ANO3: variants seen among roughly 807,000 people sequenced by gnomAD.
The protein encoded by ANO3 is anoctamin-3.
ANO3 carries 99 observed loss-of-function variants against 144.8 expected under a neutral mutation model. The observed-to-expected ratio is 0.68, with a 90% CI of 0.58 to 0.81. The LOEUF (loss-of-function observed/expected upper bound fraction) is 0.81. Ranked by LOEUF, ANO3 falls within the 30% of genes least tolerant of loss-of-function variation. ANO3 has a pLI of 0.00. For synonymous variants in ANO3, 414 were observed against 392.6 expected, an observed-to-expected ratio of 1.05 and a Z score of -0.64; for missense variants, 905 against 1,202.2, an observed-to-expected ratio of 0.75 and a Z score of 3.66.
chr11:26,330,448 A>G (rs1293506720), upstream of ANO3, among the ~76,000 whole-genome samples: 1 of 152,126 alleles, frequency 6.6e-6, no homozygotes, highest in Non-Finnish European at 1.5e-5. Context: ...TATTTCTTCA[A>G]TGCCTGCATA....
In ANO3 at chr11:26,544,267, TATATATAC is replaced by T. The variant is rs1350574988; in HGVS notation, c.1154+2201_1154+2208del. Reference sequence around the variant, plus strand: ...TTCATTATACATATATATATATATATATATATACACACATACACACACACACACACATA... The same window carrying T: ...TTCATTATACATATATATATATATATACACATACACACACACACACACATA... On this transcript the variant is annotated intron_variant, in intron 11 of 26. Transcript: ENST00000256737. Among the ~76,000 whole-genome samples, 184 of 75,382 alleles carry T rather than the reference TATATATAC, an allele frequency of 2.4e-3. 3 individuals are homozygous for T. The highest frequency in any genetic ancestry group is 8.0e-3 in the African/African-American group (178 of 22,224). 49.5% of individuals were successfully genotyped at this position (75,382 alleles called of 152,430 possible). A position where few individuals can be genotyped will look rare whatever the true frequency, so the allele number is the denominator to read the frequency against.
chr11:26,294,599 T>C (rs562192405), intron 1 of ANO3, among the ~76,000 whole-genome samples: 28 of 152,300 alleles, frequency 1.8e-4, no homozygotes, highest in African/African-American at 6.7e-4. Flanking sequence ...AAGCAACTTC[T>C]GCAGGGTCAT....
intron 1 of ANO3, among the ~76,000 whole-genome samples, chr11:26,382,666 T>C (rs1856621004): frequency 6.6e-6 from 1 of 152,168 alleles, no homozygotes; most frequent in South Asian, 2.1e-4. Context: ...CTTCTGTCTG[T>C]TCGCAAGCTT....
chr11:26,403,813 C>T (rs1857209673), intron 1 of ANO3, among the ~76,000 whole-genome samples: 1 of 151,830 alleles, frequency 6.6e-6, no homozygotes, highest in South Asian at 2.1e-4. Context: ...CCTCCTTATT[C>T]CTCCTTGAAC....
intron 1 of ANO3, among the ~76,000 whole-genome samples, chr11:26,356,211 A>G (rs1263766826): frequency 8.5e-5 from 13 of 152,104 alleles, no homozygotes; most frequent in Admixed American, 7.9e-4. Flanking sequence ...TCTATATACA[A>G]CCTCCTAGAT....
intron 1 of ANO3, among the ~76,000 whole-genome samples, chr11:26,371,856 C>G (rs1268646427): frequency 6.6e-6 from 1 of 152,170 alleles, no homozygotes; most frequent in African/African-American, 2.4e-5. Flanking sequence ...TAGGCAGGAA[C>G]TAATGTGTTA....
upstream of ANO3, chr11:26,332,117 G>C: frequency 6.7e-7 from 1 of 1,486,780 alleles, no homozygotes; most frequent in South Asian, 1.3e-5. Context: ...CGACACCGGC[G>C]GGCGCGTAGC....
chr11:26,305,522 G>C (rs1209854543), upstream of ANO3, among the ~76,000 whole-genome samples: 1 of 151,266 alleles, frequency 6.6e-6, no homozygotes, highest in Non-Finnish European at 1.5e-5. Flanking sequence ...TGATAAAAGA[G>C]GGTTTTCAGA....
Position 26,507,370 on chromosome 11 carries a change from A to G in ANO3, c.433-734A>G, listed in dbSNP as rs185412146. 1.9e-4 allele frequency among the ~76,000 whole-genome samples: 29 copies of G among 152,340 alleles called. No homozygotes were observed. The East Asian group carries it at 5.6e-3, about 29-fold the overall frequency. ...TTTGGTTGAAAATTGGGCAGAGACC[A>G]TTAAAAATAGCTTAGGTTGGTGGAT... On this transcript the variant is annotated intron_variant, in intron 4 of 26. Coordinates refer to ENST00000256737, the MANE Select transcript of ANO3 (RefSeq NM_031418.4).
At chr11:26,524,220 G>T (rs934671300) in intron 6 of ANO3, among the ~76,000 whole-genome samples, 2 of 152,068 alleles carry the variant, frequency 1.3e-5, no homozygotes, top group African/African-American at 4.8e-5. Context: ...AGTGAAGTAC[G>T]CACACAAGCT....
chr11:26,389,217 CA>C, intron 1 of ANO3, among the ~76,000 whole-genome samples: 1 of 152,078 alleles, frequency 6.6e-6, no homozygotes, highest in Middle Eastern at 3.4e-3. Flanking sequence ...AATGTGGAAA[CA>C]AAACAGTATA....
intron 14 of ANO3, chr11:26,567,007 CTT>C: frequency 7.1e-7 from 1 of 1,412,862 alleles, no homozygotes; most frequent in Non-Finnish European, 9.4e-7. Flanking sequence ...TCTATAGTGT[CTT>C]TTTGGTTACA....
intron 1 of ANO3, among the ~76,000 whole-genome samples, chr11:26,272,711 TGAG>T (rs1235461749): frequency 6.6e-6 from 1 of 152,054 alleles, no homozygotes; most frequent in Non-Finnish European, 1.5e-5. Flanking sequence ...AGAAAATAAT[TGAG>T]GAGAAAGGAT....
intron 14 of ANO3, among the ~76,000 whole-genome samples, chr11:26,589,839 T>A (rs999736344): frequency 3.9e-5 from 6 of 152,228 alleles, no homozygotes; most frequent in Non-Finnish European, 8.8e-5. Flanking sequence ...CTTCATTTCT[T>A]TCTATTGCTG....
chr11:26,487,906 G>A (rs1034888147), intron 4 of ANO3, among the ~76,000 whole-genome samples: 3 of 152,208 alleles, frequency 2.0e-5, no homozygotes, highest in African/African-American at 4.8e-5. Flanking sequence ...AGTAGCTCAC[G>A]CCTGTAATCC....
At chr11:26,331,226 G>A (rs1434749913), upstream of ANO3, among the ~76,000 whole-genome samples, 1 of 152,098 alleles carries the variant, frequency 6.6e-6, no homozygotes, top group Non-Finnish European at 1.5e-5. Context: ...ATGGCTGCTG[G>A]GCTCAATACC....
At chr11:26,270,789 T>C (rs2133835889) in intron 1 of ANO3, among the ~76,000 whole-genome samples, 1 of 152,322 alleles carries the variant, frequency 6.6e-6, no homozygotes, top group South Asian at 2.1e-4. Flanking sequence ...CTGAATATTC[T>C]CCTTGACATA....
At chr11:26,366,247 T>C (rs1206532049) in intron 1 of ANO3, among the ~76,000 whole-genome samples, 1 of 152,098 alleles carries the variant, frequency 6.6e-6, no homozygotes, top group Non-Finnish European at 1.5e-5. Context: ...ATGCGGTGTT[T>C]GGTTTTTTGT....
chr11:26,382,594 A>C (rs1348707595), intron 1 of ANO3, among the ~76,000 whole-genome samples: 1 of 152,120 alleles, frequency 6.6e-6, no homozygotes, highest in Non-Finnish European at 1.5e-5. Context: ...TTGTCCCCAA[A>C]TGTTCCTCTA....
Sources: gnomAD v4.1 joint callset for allele counts (sites outside exome capture counted in the v4.1 genomes callset) on GRCh38, gnomAD v4.1.1 for gene constraint, MANE v1.5 for transcripts, NCBI Gene and HGNC (gene_info 2026-07-23, HGNC 2026-07-21) for gene names.